The following PPP1R9A variants were observed in gnomAD, a reference collection of about 807,000 sequenced individuals.
PPP1R9A encodes the protein neurabin-1.
A neutral mutation model predicts 141.9 loss-of-function variants in PPP1R9A; 59 were observed. That is an observed-to-expected ratio of 0.42 (90% CI 0.34 to 0.52). PPP1R9A has a LOEUF of 0.52. Among genes scored for constraint, PPP1R9A ranks in the 20% least tolerant of loss-of-function variants. The pLI is 0.10. For missense variants in PPP1R9A, 1,444 were observed against 1,611.9 expected, an observed-to-expected ratio of 0.90 and a Z score of 1.78; for synonymous variants, 500 against 569.7, an observed-to-expected ratio of 0.88 and a Z score of 1.74.
At chr7:94,938,244 C>T (rs1432191238) in intron 2 of PPP1R9A, among the ~76,000 whole-genome samples, 1 of 152,104 alleles carries the variant, frequency 6.6e-6, no homozygotes, top group Non-Finnish European at 1.5e-5. Flanking sequence ...GTGGAGGGAT[C>T]TAGGTTGCAG....
At chr7:95,283,873 G>A in intron 16 of PPP1R9A, 145 bp from the exon 17 acceptor site, 11 of 629,896 alleles carry the variant, frequency 1.7e-5, no homozygotes, top group Non-Finnish European at 1.9e-5. Flanking sequence ...GATTAGTGTT[G>A]TAGTCAAAAG....
chr7:95,045,677 G>A (rs571511547), intron 2 of PPP1R9A, among the ~76,000 whole-genome samples: 1 of 152,298 alleles, frequency 6.6e-6, no homozygotes, highest in South Asian at 2.1e-4. Flanking sequence ...CATTTTTAGA[G>A]AAGTGGTGTG....
intron 18 of PPP1R9A, 100 bp downstream of exon 18, chr7:95,286,425 AATC>A (rs1805345718): frequency 6.6e-7 from 1 of 1,517,288 alleles, no homozygotes; most frequent in Non-Finnish European, 8.8e-7. Flanking sequence ...ATTGCATAGA[AATC>A]ATCAGGACTG....
chr7:94,977,774 T>TC (rs948057145), intron 2 of PPP1R9A, among the ~76,000 whole-genome samples: 2 of 151,268 alleles, frequency 1.3e-5, no homozygotes, highest in African/African-American at 4.8e-5. Context: ...CTTTTTTTTT[T>TC]TTTTTTGAAA....
intron 1 of PPP1R9A, among the ~76,000 whole-genome samples, chr7:94,909,218 C>G (rs1791171678): frequency 6.6e-6 from 1 of 152,180 alleles, no homozygotes; most frequent in East Asian, 1.9e-4. Flanking sequence ...CCTTGGTAGT[C>G]TGCATCCCAC....
At chr7:95,235,170 C>T (rs1440850237) in intron 8 of PPP1R9A, among the ~76,000 whole-genome samples, 4 of 151,980 alleles carry the variant, frequency 2.6e-5, no homozygotes, top group Admixed American at 1.3e-4. Flanking sequence ...ATAGATGGGA[C>T]GTAATTAAAC....
chr7:95,158,310 T>C (rs953988575), intron 4 of PPP1R9A, among the ~76,000 whole-genome samples: 1 of 152,186 alleles, frequency 6.6e-6, no homozygotes, highest in Admixed American at 6.5e-5. Flanking sequence ...TTAGAAAATT[T>C]CCAGGTGGAT....
chr7:95,068,472 A>AG (rs1446090991), intron 2 of PPP1R9A, among the ~76,000 whole-genome samples: 15 of 120,544 alleles, frequency 1.2e-4, no homozygotes, highest in African/African-American at 4.4e-4. Context: ...TCTTGTCTCA[A>AG]GAAAAAAAAA....
At chr7:95,103,318 C>T (rs1046031575) in intron 2 of PPP1R9A, among the ~76,000 whole-genome samples, 6 of 147,202 alleles carry the variant, frequency 4.1e-5, no homozygotes, top group African/African-American at 1.5e-4. Flanking sequence ...CTAGCATGCT[C>T]TCTACCTCCC....
chr7:94,919,207 G>T lies in PPP1R9A; in HGVS notation c.1395+7699G>T, dbSNP rs576760175. 1.9e-3 allele frequency among the ~76,000 whole-genome samples: 290 copies of T among 152,158 alleles called. 2 individuals carry two copies. Among genetic ancestry groups the T allele is most frequent in the African/African-American group, 6.6e-3 (272 of 41,504 alleles). On this transcript the variant is annotated intron_variant, in intron 2 of 19. Transcript: ENST00000433360. ...TTCAGTGGCACGATCAAAGCTCACT[G>T]CAGCCTTGAACTCCTGCGCACAAGG... is the stretch of plus-strand genomic sequence containing the variant.
At chr7:94,974,699 C>T (rs1799237567) in intron 2 of PPP1R9A, among the ~76,000 whole-genome samples, 1 of 152,166 alleles carries the variant, frequency 6.6e-6, no homozygotes, top group Non-Finnish European at 1.5e-5. Flanking sequence ...GGGAAACGTA[C>T]ATAAATGTCT....
chr7:95,109,453 A>G (rs1820150508), intron 2 of PPP1R9A, among the ~76,000 whole-genome samples: 1 of 152,208 alleles, frequency 6.6e-6, no homozygotes, highest in African/African-American at 2.4e-5. Context: ...ATATTGTTGA[A>G]TGAATAAATG....
At chr7:94,949,364 G>A (rs1563033693) in intron 2 of PPP1R9A, among the ~76,000 whole-genome samples, 1 of 152,118 alleles carries the variant, frequency 6.6e-6, no homozygotes, top group South Asian at 2.1e-4. Flanking sequence ...AATTTCATGA[G>A]GACTATTGTT....
intron 7 of PPP1R9A, among the ~76,000 whole-genome samples, chr7:95,225,627 A>G (rs984986644): frequency 1.3e-5 from 2 of 152,176 alleles, no homozygotes; most frequent in Non-Finnish European, 2.9e-5. Flanking sequence ...AAGAGAATTT[A>G]AAGAAATGAC....
At chr7:95,189,958 T>A (rs1835256389) in intron 5 of PPP1R9A, among the ~76,000 whole-genome samples, 1 of 152,194 alleles carries the variant, frequency 6.6e-6, no homozygotes, top group Non-Finnish European at 1.5e-5. Context: ...ATACTGTATT[T>A]TTTCCTTAAT....
At chr7:95,253,050 G>C (rs1279507360) in intron 12 of PPP1R9A, among the ~76,000 whole-genome samples, 1 of 152,168 alleles carries the variant, frequency 6.6e-6, no homozygotes, top group East Asian at 1.9e-4. Flanking sequence ...TAGATTGCAC[G>C]TGTATGAACA....
intron 7 of PPP1R9A, among the ~76,000 whole-genome samples, chr7:95,207,777 T>A (rs1230195591): frequency 6.6e-6 from 1 of 152,166 alleles, no homozygotes; most frequent in Non-Finnish European, 1.5e-5. Flanking sequence ...TATAGCAACT[T>A]TGCTGAATAC....
At chr7:94,919,300 CATTT>C (rs1792478278) in intron 2 of PPP1R9A, among the ~76,000 whole-genome samples, 2 of 120,184 alleles carry the variant, frequency 1.7e-5, no homozygotes, top group East Asian at 2.8e-4. Flanking sequence ...TGGATAATTA[CATTT>C]TTTTTTTTTT....
chr7:95,276,888 G>A (rs959376840), intron 16 of PPP1R9A, among the ~76,000 whole-genome samples: 3 of 152,140 alleles, frequency 2.0e-5, no homozygotes, highest in African/African-American at 7.2e-5. Context: ...ATTGATAATG[G>A]GTACAGAACC....
Sources: gnomAD v4.1 joint callset for allele counts (sites outside exome capture counted in the v4.1 genomes callset) on GRCh38, gnomAD v4.1.1 for gene constraint, MANE v1.5 for transcripts, NCBI Gene and HGNC (gene_info 2026-07-23, HGNC 2026-07-21) for gene names.